The following TCF12 variants were observed in gnomAD, a reference collection of about 807,000 sequenced individuals.
TCF12 encodes DNA-binding protein HTF4.
TCF12 carries 45 observed loss-of-function variants against 86.0 expected under a neutral mutation model. The ratio of observed to expected loss-of-function variants is 0.52; its 90% CI spans 0.41 to 0.67. TCF12 has a LOEUF of 0.67. TCF12 is among the 30% of genes least tolerant of loss of function. The probability of loss-of-function intolerance (pLI) is 0.00; values close to 1 mark genes in which losing one functional copy is unlikely to be tolerated. For missense variants in TCF12, 881 were observed against 859.9 expected (o/e 1.02, Z -0.31); for synonymous variants, 330 against 299.6 (o/e 1.10, Z -1.05).
At chr15:56,982,664 T>TA (rs1471008344) in intron 3 of TCF12, among the ~76,000 whole-genome samples, 1 of 152,236 alleles carries the variant, frequency 6.6e-6, no homozygotes, top group Admixed American at 6.5e-5. Context: ...AACCATACTT[T>TA]AATCTTTCAA....
At chr15:57,187,627 A>G (rs763091294) in intron 6 of TCF12, among the ~76,000 whole-genome samples, 1 of 152,250 alleles carries the variant, frequency 6.6e-6, no homozygotes, top group African/African-American at 2.4e-5. Flanking sequence ...TGGGTTGGAC[A>G]AGCTTGTTCT....
At chr15:57,228,032 A>G (rs1394592117) in intron 8 of TCF12, among the ~76,000 whole-genome samples, 1 of 152,008 alleles carries the variant, frequency 6.6e-6, no homozygotes, top group Non-Finnish European at 1.5e-5. Context: ...ACTGGCATCT[A>G]TGTTCAGGTG....
chr15:57,278,679 C>T (rs1167095704), intron 19 of TCF12: 1 of 192,384 alleles, frequency 5.2e-6, no homozygotes, highest in East Asian at 1.3e-4. Flanking sequence ...AGGATCAAAC[C>T]TTTCCTCCCT....
intron 8 of TCF12, among the ~76,000 whole-genome samples, chr15:57,220,117 A>T (rs1357903591): frequency 1.3e-5 from 2 of 152,272 alleles, no homozygotes; most frequent in East Asian, 3.9e-4. Context: ...TATTTTTAAG[A>T]TAGTGTAGAA....
At chr15:57,119,360 C>T (rs2051067725) in intron 5 of TCF12, among the ~76,000 whole-genome samples, 1 of 150,802 alleles carries the variant, frequency 6.6e-6, no homozygotes, top group Non-Finnish European at 1.5e-5. Context: ...CACATTGTGC[C>T]CAGGCTAGTC....
intron 13 of TCF12, among the ~76,000 whole-genome samples, chr15:57,245,781 G>T: frequency 6.6e-6 from 1 of 152,186 alleles, no homozygotes; most frequent in East Asian, 1.9e-4. Flanking sequence ...AATCTGGGCT[G>T]TTGAATTATG....
chr15:57,060,222 A>G (rs1468044009), intron 3 of TCF12, among the ~76,000 whole-genome samples: 3 of 152,234 alleles, frequency 2.0e-5, no homozygotes, highest in East Asian at 1.9e-4. Flanking sequence ...CACAAAAGAA[A>G]GAGGCGGATT....
At chr15:57,126,530 A>G (rs2051665211) in intron 5 of TCF12, among the ~76,000 whole-genome samples, 1 of 152,022 alleles carries the variant, frequency 6.6e-6, no homozygotes, top group Admixed American at 6.6e-5. Flanking sequence ...CAAAAAACTA[A>G]AACCCTTCCT....
At chr15:56,961,218 G>A (rs945776013) in intron 3 of TCF12, among the ~76,000 whole-genome samples, 1 of 152,044 alleles carries the variant, frequency 6.6e-6, no homozygotes, top group African/African-American at 2.4e-5. Flanking sequence ...TAACGAAGGT[G>A]TATTGGATAT....
At chr15:57,001,652 T>C (rs2064043074) in intron 3 of TCF12, among the ~76,000 whole-genome samples, 1 of 152,218 alleles carries the variant, frequency 6.6e-6, no homozygotes, top group South Asian at 2.1e-4. Context: ...TGTCTGACTT[T>C]CCTTGAAGGG....
chr15:56,991,191 A>G (rs1251964210), intron 3 of TCF12, among the ~76,000 whole-genome samples: 2 of 152,114 alleles, frequency 1.3e-5, no homozygotes, highest in Admixed American at 1.3e-4. Flanking sequence ...GATATTCCCA[A>G]CCCACCATCT....
At chr15:57,277,623 A>T (rs1199627669) in intron 19 of TCF12, among the ~76,000 whole-genome samples, 2 of 139,602 alleles carry the variant, frequency 1.4e-5, no homozygotes, top group Admixed American at 1.6e-4. Flanking sequence ...GTGAGACTCC[A>T]TCTCAAAAAA....
At chr15:57,059,536 C>G (rs77119258) in intron 3 of TCF12, among the ~76,000 whole-genome samples, 1 of 151,970 alleles carries the variant, frequency 6.6e-6, no homozygotes, top group Admixed American at 6.6e-5. Flanking sequence ...TTCAGGGTGG[C>G]GGAGTCTTTA....
intron 13 of TCF12, among the ~76,000 whole-genome samples, chr15:57,248,480 C>G (rs1351693593): frequency 6.6e-6 from 1 of 152,190 alleles, no homozygotes; most frequent in East Asian, 1.9e-4. Context: ...CATCCTTTGC[C>G]TTTCATTACC....
chr15:57,049,636 C>G (rs2067479071), intron 3 of TCF12, among the ~76,000 whole-genome samples: 1 of 152,178 alleles, frequency 6.6e-6, no homozygotes, highest in African/African-American at 2.4e-5. Context: ...AGGGCTGTTT[C>G]AAGTTTTTGG....
chr15:57,030,831 G>A (rs2066129670), intron 3 of TCF12, among the ~76,000 whole-genome samples: 1 of 152,140 alleles, frequency 6.6e-6, no homozygotes. Context: ...TATCTTCCAT[G>A]TGTATAACCA....
chr15:57,174,072 A>G (rs1337052979), intron 6 of TCF12, among the ~76,000 whole-genome samples: 1 of 152,202 alleles, frequency 6.6e-6, no homozygotes, highest in African/African-American at 2.4e-5. Context: ...TAAGGGTCAT[A>G]TGGCTTCTTT....
At chr15:56,925,482 A>C (rs549814891) in intron 3 of TCF12, among the ~76,000 whole-genome samples, 1 of 152,218 alleles carries the variant, frequency 6.6e-6, no homozygotes, top group Admixed American at 6.5e-5. Context: ...AAAGATGAAG[A>C]TATCCAACCT....
At chr15:57,020,776 G>T (rs559212895) in intron 3 of TCF12, among the ~76,000 whole-genome samples, 2 of 152,282 alleles carry the variant, frequency 1.3e-5, no homozygotes, top group South Asian at 2.1e-4. Context: ...ATGTGTAGGT[G>T]TAACAATGCT....
Sources: allele counts gnomAD v4.1 joint callset (sites outside exome capture counted in the v4.1 genomes callset), GRCh38; gene constraint gnomAD v4.1.1; transcripts MANE v1.5; gene names NCBI Gene and HGNC (gene_info 2026-07-23, HGNC 2026-07-21).